Variants in HS3ST5 observed in about 807,000 individuals in gnomAD.
HS3ST5 encodes the protein heparan sulfate glucosamine 3-O-sulfotransferase 5.
Under a neutral mutation model 25.4 loss-of-function variants are expected in HS3ST5, and 10 were observed. That is an observed-to-expected ratio of 0.39 (90% CI 0.24 to 0.67). The LOEUF is 0.67. Among genes scored for constraint, HS3ST5 ranks in the 30% least tolerant of loss-of-function variants. HS3ST5 has a pLI of 0.44. For missense variants in HS3ST5, 324 were observed against 420.7 expected (o/e 0.77, Z 2.01); for synonymous variants, 170 against 162.4 (o/e 1.05, Z -0.36).
intron 1 of HS3ST5, among the ~76,000 whole-genome samples, chr6:114,254,108 T>C (rs982861488): frequency 6.6e-6 from 1 of 152,128 alleles, no homozygotes; most frequent in African/African-American, 2.4e-5. Context: ...TGAATTATGG[T>C]GCAGAGGCTC....
intron 3 of HS3ST5, among the ~76,000 whole-genome samples, chr6:114,082,501 G>A (rs890133371): frequency 6.6e-6 from 1 of 152,186 alleles, no homozygotes; most frequent in East Asian, 1.9e-4. Flanking sequence ...ACACCTTCAC[G>A]GGGACCAGGG....
chr6:114,159,637 C>A (rs953104373), intron 3 of HS3ST5, among the ~76,000 whole-genome samples: 1 of 152,116 alleles, frequency 6.6e-6, no homozygotes, highest in East Asian at 1.9e-4. Context: ...GTTACACAGG[C>A]GGGCTCACCT....
intron 2 of HS3ST5, among the ~76,000 whole-genome samples, chr6:114,190,212 G>T (rs1201931354): frequency 1.3e-5 from 2 of 152,152 alleles, no homozygotes; most frequent in African/African-American, 4.8e-5. Flanking sequence ...GATGGGGGGT[G>T]TCTAGTTGCT....
At chr6:114,124,821 G>T (rs1355834126) in intron 3 of HS3ST5, among the ~76,000 whole-genome samples, 1 of 151,962 alleles carries the variant, frequency 6.6e-6, no homozygotes, top group Non-Finnish European at 1.5e-5. Flanking sequence ...ACATTGTTTT[G>T]GGTCATTTGT....
chr6:114,117,334 G>C (rs1776579747), intron 3 of HS3ST5, among the ~76,000 whole-genome samples: 1 of 152,072 alleles, frequency 6.6e-6, no homozygotes, highest in Non-Finnish European at 1.5e-5. Flanking sequence ...CACAGAGGTA[G>C]CCTGGAATAA....
chr6:114,237,204 C>A (rs1183324369), intron 1 of HS3ST5, among the ~76,000 whole-genome samples: 1 of 152,066 alleles, frequency 6.6e-6, no homozygotes, highest in African/African-American at 2.4e-5. Context: ...TGCTATTGTA[C>A]AGCATCATTT....
At chr6:114,288,640 G>A (rs1030809140) in intron 1 of HS3ST5, among the ~76,000 whole-genome samples, 2 of 152,042 alleles carry the variant, frequency 1.3e-5, no homozygotes, top group Non-Finnish European at 2.9e-5. Flanking sequence ...CCAGATCCAT[G>A]AGCTTTGTGA....
intron 2 of HS3ST5, among the ~76,000 whole-genome samples, chr6:114,222,949 T>C (rs973028662): frequency 1.6e-4 from 25 of 151,926 alleles, no homozygotes; most frequent in African/African-American, 6.0e-4. Flanking sequence ...CAATCTTTAC[T>C]TTCCTAAACA....
chr6:114,272,604 A>G (rs1773682800), intron 1 of HS3ST5, among the ~76,000 whole-genome samples: 2 of 152,136 alleles, frequency 1.3e-5, no homozygotes, highest in African/African-American at 4.8e-5. Context: ...TCCATAGTAC[A>G]TAGTCACTTA....
chr6:114,258,089 G>C (rs1440061088), intron 1 of HS3ST5, among the ~76,000 whole-genome samples: 1 of 152,088 alleles, frequency 6.6e-6, no homozygotes, highest in Non-Finnish European at 1.5e-5. Flanking sequence ...TTAAGAACCT[G>C]AAATCCAAAT....
At chr6:114,091,443 C>T (rs923205341) in intron 3 of HS3ST5, among the ~76,000 whole-genome samples, 32 of 151,818 alleles carry the variant, frequency 2.1e-4, no homozygotes, top group Non-Finnish European at 4.4e-4. Context: ...TTTGGGAAGC[C>T]GAGGCGGGCA....
intron 3 of HS3ST5, among the ~76,000 whole-genome samples, chr6:114,161,563 ATATATATATAT>A (rs1778970438): frequency 4.0e-5 from 4 of 99,042 alleles, no homozygotes; most frequent in Admixed American, 2.0e-4. Context: ...ATATATATAT[ATATATATATAT>A]AAAATGCAAT....
chr6:114,078,246 A>G (rs1380229367), intron 3 of HS3ST5, among the ~76,000 whole-genome samples: 1 of 151,696 alleles, frequency 6.6e-6, no homozygotes, highest in Non-Finnish European at 1.5e-5. Flanking sequence ...TTGCTCTGTC[A>G]TCCAGGCTGG....
At chr6:114,124,517 T>G (rs1293207588) in intron 3 of HS3ST5, among the ~76,000 whole-genome samples, 4 of 152,214 alleles carry the variant, frequency 2.6e-5, no homozygotes, top group African/African-American at 9.6e-5. Flanking sequence ...TATTTTTGCC[T>G]ATATCAAACA....
At chr6:114,290,052 A>T (rs1222379847) in intron 1 of HS3ST5, among the ~76,000 whole-genome samples, 1 of 152,166 alleles carries the variant, frequency 6.6e-6, no homozygotes, top group African/African-American at 2.4e-5. Flanking sequence ...AGTCACTGAA[A>T]TGCAGCACAA....
At chr6:114,205,938 A>G (rs1781259591) in intron 2 of HS3ST5, among the ~76,000 whole-genome samples, 2 of 151,976 alleles carry the variant, frequency 1.3e-5, no homozygotes, top group African/African-American at 2.4e-5. Context: ...CCTACGATTC[A>G]CCTCCTGCTG....
intron 3 of HS3ST5, among the ~76,000 whole-genome samples, chr6:114,067,079 A>G (rs1423505257): frequency 6.6e-6 from 1 of 151,962 alleles, no homozygotes; most frequent in Non-Finnish European, 1.5e-5. Context: ...CTGTGCAATC[A>G]TCAGCTTCCT....
intron 1 of HS3ST5, among the ~76,000 whole-genome samples, chr6:114,299,055 A>G (rs1449643740): frequency 2.6e-5 from 4 of 152,212 alleles, no homozygotes; most frequent in African/African-American, 7.2e-5. Context: ...GAACAGAGCC[A>G]TATTTCTCTT....
intron 2 of HS3ST5, among the ~76,000 whole-genome samples, chr6:114,181,713 A>G (rs976407717): frequency 5.9e-5 from 9 of 152,354 alleles, no homozygotes; most frequent in African/African-American, 2.2e-4. Flanking sequence ...CTATGCCAAG[A>G]TTTCAAAATG....
Sources: allele counts gnomAD v4.1 joint callset (sites outside exome capture counted in the v4.1 genomes callset), GRCh38; gene constraint gnomAD v4.1.1; transcripts MANE v1.5; gene names NCBI Gene and HGNC (gene_info 2026-07-23, HGNC 2026-07-21).